WAPL: variants seen among roughly 807,000 people sequenced by gnomAD.
WAPL encodes wings apart-like protein homolog.
Under a neutral mutation model 121.0 loss-of-function variants are expected in WAPL, and 5 were observed. The ratio of observed to expected loss-of-function variants is 0.04; its 90% CI spans 0.02 to 0.09. The LOEUF (loss-of-function observed/expected upper bound fraction) is 0.09. Ranked by LOEUF, WAPL falls within the 10% of genes least tolerant of loss-of-function variation. The pLI is 1.00. For missense variants in WAPL, 999 were observed against 1,410.8 expected (o/e 0.71, Z 4.68); for synonymous variants, 480 against 481.5 (o/e 1.00, Z 0.04).
At chr10:86,478,939 A>G (rs1288658820) in intron 4 of WAPL, among the ~76,000 whole-genome samples, 2 of 151,958 alleles carry the variant, frequency 1.3e-5, no homozygotes, top group East Asian at 3.9e-4. Flanking sequence ...TACTAAAAAT[A>G]CAAAAAAATT....
At chr10:86,455,480 C>A (rs1841119436) in intron 12 of WAPL, among the ~76,000 whole-genome samples, 1 of 151,818 alleles carries the variant, frequency 6.6e-6, no homozygotes, top group Admixed American at 6.5e-5. Context: ...TGCTTGAAGG[C>A]AGCATGCTCG....
At chr10:86,491,706 C>G (rs1393183567) in intron 4 of WAPL, among the ~76,000 whole-genome samples, 1 of 150,466 alleles carries the variant, frequency 6.6e-6, no homozygotes, top group African/African-American at 2.5e-5. Context: ...ATGGTTCACA[C>G]TGGCCAAATA....
chr10:86,449,504 C>T (rs1035738087), intron 15 of WAPL, among the ~76,000 whole-genome samples: 3 of 152,210 alleles, frequency 2.0e-5, no homozygotes, highest in Non-Finnish European at 4.4e-5. Flanking sequence ...GGACAAGAGG[C>T]TTCTATAACA....
In WAPL at chr10:86,461,171, C is replaced by A; in HGVS notation, c.2482+5G>T. Reference sequence around the variant, plus strand: ...ATAAAAACATTCTAAATGTAAATATCATACCTTTATCTACAATATGATCCA... The same window carrying A: ...ATAAAAACATTCTAAATGTAAATATAATACCTTTATCTACAATATGATCCA... On this transcript the variant is annotated splice_donor_5th_base_variant and intron_variant, in intron 10 of 18. Coordinates refer to ENST00000298767, the MANE Select transcript of WAPL (RefSeq NM_015045.5). 6.3e-7 allele frequency: 1 copy of A among 1,588,940 alleles called. No homozygotes were observed. Among genetic ancestry groups the A allele is most frequent in the South Asian group, 1.1e-5 (1 of 89,594 alleles).
chr10:86,453,338 G>A lies in WAPL; in HGVS notation c.2834-3C>T. ...TCCTGTTTTGGTGCTGCCCCACTCTGAAATAAGAAATGGATACAGGAAAAT... is the reference window on the plus strand; with the variant it reads ...TCCTGTTTTGGTGCTGCCCCACTCTAAAATAAGAAATGGATACAGGAAAAT... On this transcript the variant is annotated splice_polypyrimidine_tract_variant and splice_region_variant and intron_variant, in intron 13 of 18. Transcript: ENST00000298767. 1 of 1,613,614 alleles carries A rather than the reference G, an allele frequency of 6.2e-7. No individual in the cohort carries two copies.
chr10:86,466,200 G>A (rs947397883), intron 9 of WAPL, among the ~76,000 whole-genome samples: 2 of 152,172 alleles, frequency 1.3e-5, no homozygotes, highest in African/African-American at 4.8e-5. Context: ...TCCTTGTGGT[G>A]TCTTCAGGGT....
rs1313751124 is a variant in WAPL at position 86,472,174 on chromosome 10, C to A, written c.2030+34G>T. ...AGTTGAAAAAATTTAATACAGCATG[C>A]ACATAATTGTAAAATATAAAAATAA... On this transcript the variant is annotated intron_variant, in intron 7 of 18. Transcript: ENST00000298767. This position sits in a 1 kb window ranked among gnomAD's most constrained non-coding sequence, Gnocchi z 4.2. 2 of 1,522,044 alleles carry A rather than the reference C, an allele frequency of 1.3e-6. No homozygotes were observed. Among genetic ancestry groups the A allele is most frequent in the African/African-American group, 2.8e-5 (2 of 70,542 alleles). The allele number at this position is 1,522,044 out of a possible 1,614,324, so 94.3% of individuals were successfully genotyped here.
intron 16 of WAPL, 129 bp downstream of exon 16, chr10:86,446,113 T>C (rs1469762920): frequency 2.0e-6 from 2 of 987,208 alleles, no homozygotes; most frequent in African/African-American, 3.2e-5. Context: ...AAAGCTTGTC[T>C]GGACTGAACT....
intron 4 of WAPL, among the ~76,000 whole-genome samples, chr10:86,493,098 T>C (rs1842081671): frequency 6.6e-6 from 1 of 151,938 alleles, no homozygotes. Context: ...GGGGAATTTT[T>C]TTCAAAGGGG....
intron 4 of WAPL, among the ~76,000 whole-genome samples, chr10:86,483,148 C>T (rs557801486): frequency 5.9e-5 from 9 of 152,070 alleles, no homozygotes; most frequent in African/African-American, 1.9e-4. Context: ...ATGCCAGGTG[C>T]GGTGGCTCAC....
chr10:86,466,311 C>T (rs1841394715), intron 9 of WAPL, among the ~76,000 whole-genome samples: 2 of 152,134 alleles, frequency 1.3e-5, no homozygotes, highest in Admixed American at 1.3e-4. Context: ...GTGGCTCACG[C>T]CTGTAATCCC....
Position 86,452,031 on chromosome 10 carries a change from C to T in WAPL, c.3050G>A (p.Ser1017Asn). The change falls in exon 15 of 19, where the codon AGT (serine) becomes AAT (asparagine). Residue 1017 changes from serine to asparagine, a missense_variant. This residue lies in a region of WAPL where 126 missense variants were observed against 144.0 expected (regional missense o/e 0.87). Transcript: ENST00000298767. The part of the protein sequence containing the change: ...TSCSFDSSIC[S>N]GEGDDSLRIG... Reference sequence around the variant, plus strand: ...CCTTAAACTATCATCCCCTTCTCCACTACAGATGGAAGAATCAAAAGAGCA... The same window carrying T: ...CCTTAAACTATCATCCCCTTCTCCATTACAGATGGAAGAATCAAAAGAGCA... The T allele has an allele frequency of 3.1e-6, 5 of 1,614,186 alleles. No individual in the cohort carries two copies. The highest frequency in any genetic ancestry group is 3.4e-6 in the Non-Finnish European group (4 of 1,180,036).
At chr10:86,443,409 C>T in intron 16 of WAPL, 46 bp from the exon 17 acceptor site, 6 of 1,553,464 alleles carry the variant, frequency 3.9e-6, no homozygotes, top group Non-Finnish European at 5.3e-6. Flanking sequence ...TTAATTAACA[C>T]AAACCTCACA....
In WAPL at chr10:86,479,376, G is replaced by A. The variant is rs550168045; in HGVS notation, c.1645-5403C>T. On this transcript the variant is annotated intron_variant, in intron 4 of 18. Transcript: ENST00000298767. ...GGGTTCAAGCGATTCTCCTGCCTCA[G>A]CCTCCCGAGTAGCTGGGATTACAAG... Among the ~76,000 whole-genome samples the A allele has an allele frequency of 2.0e-3, 306 of 152,176 alleles. 2 individuals carry two copies. Among genetic ancestry groups the A allele is most frequent in the Middle Eastern group, 0.017 (5 of 294 alleles).
At chr10:86,464,579 C>G (rs1841356815) in intron 9 of WAPL, among the ~76,000 whole-genome samples, 1 of 152,140 alleles carries the variant, frequency 6.6e-6, no homozygotes, top group Non-Finnish European at 1.5e-5. Flanking sequence ...CGTAGTGGCT[C>G]ATGTCTGTAA....
At chr10:86,447,885 T>G (rs764223434) in intron 15 of WAPL, among the ~76,000 whole-genome samples, 1 of 151,760 alleles carries the variant, frequency 6.6e-6, no homozygotes, top group Non-Finnish European at 1.5e-5. Context: ...CCACCTCTAC[T>G]AAAAATACAA....
chr10:86,470,982 T>G lies in WAPL; in HGVS notation c.2142+10A>C. 6.2e-7 allele frequency: 1 copy of G among 1,611,622 alleles called. No individual in the cohort carries two copies. Among genetic ancestry groups the G allele is most frequent in the Middle Eastern group, 1.7e-4 (1 of 6,046 alleles). On this transcript the variant is annotated intron_variant, in intron 8 of 18. Transcript: ENST00000298767. ...ATAAGGCTTCTCAATCTCAGAAACT[T>G]AAAAAATACCTGATGGTGCTGGGAA... is the stretch of plus-strand genomic sequence containing the variant.
At chr10:86,503,587 C>T (rs1287185398) in intron 2 of WAPL, among the ~76,000 whole-genome samples, 1 of 151,790 alleles carries the variant, frequency 6.6e-6, no homozygotes, top group African/African-American at 2.4e-5. Flanking sequence ...TCCGTCTCTA[C>T]TAAAAATACA....
At chr10:86,512,468 C>A (rs1246099332) in intron 2 of WAPL, among the ~76,000 whole-genome samples, 4 of 152,294 alleles carry the variant, frequency 2.6e-5, no homozygotes, top group East Asian at 1.9e-4. Context: ...TGTAGCAGAA[C>A]AAAGATGAGA....
Sources: allele counts gnomAD v4.1 joint callset (sites outside exome capture counted in the v4.1 genomes callset), GRCh38; gene constraint gnomAD v4.1.1; regional missense constraint gnomAD v4.1.1; non-coding constraint Gnocchi (gnomAD v3.1); transcripts MANE v1.5; gene names NCBI Gene and HGNC (gene_info 2026-07-23, HGNC 2026-07-21).